Variants in NFASC observed in about 807,000 individuals in gnomAD.
NFASC encodes the protein neurofascin homolog.
NFASC carries 43 observed loss-of-function variants against 147.5 expected under a neutral mutation model. The observed-to-expected ratio is 0.29, with a 90% CI of 0.23 to 0.38. NFASC has a LOEUF of 0.38. Among genes scored for constraint, NFASC ranks in the 10% least tolerant of loss-of-function variants. The pLI, the probability that NFASC is intolerant of heterozygous loss-of-function variation, is 1.00. For synonymous variants in NFASC, 622 were observed against 665.5 expected, an observed-to-expected ratio of 0.93 and a Z score of 1.01; for missense variants, 1,320 against 1,689.0, an observed-to-expected ratio of 0.78 and a Z score of 3.83.
intron 22 of NFASC, 129 bp from the exon 23 acceptor site, chr1:204,988,504 T>G (rs1261489774): frequency 2.2e-5 from 18 of 803,092 alleles, no homozygotes; most frequent in Non-Finnish European, 2.9e-5. Context: ...GCCTTTAAGA[T>G]CACCAGGCAG....
In NFASC at chr1:204,957,800, AC is replaced by A; in HGVS notation, c.683del (p.Pro228LeufsTer104). 6.2e-7 allele frequency: 1 copy of A among 1,613,950 alleles called. No individual in the cohort carries two copies. Among genetic ancestry groups the A allele is most frequent in the Non-Finnish European group, 8.5e-7 (1 of 1,179,980 alleles). ...TTCACCCACACCATCCAGCAGAAGA[AC>A]CCTTTCACCCTCAAGGTCCTCACCA... ...FHFTHTIQQK[N>X]PFTLKVLTTR... On this transcript the variant is annotated frameshift_variant, in exon 8 of 30. Transcript: ENST00000339876. LOFTEE classifies it high-confidence loss of function.
At chr1:204,868,411 G>A (rs2077292526) in intron 1 of NFASC, among the ~76,000 whole-genome samples, 1 of 152,204 alleles carries the variant, frequency 6.6e-6, no homozygotes, top group African/African-American at 2.4e-5. Flanking sequence ...CCTAGGACAT[G>A]CTGGCGCTCT....
rs1471279903 is a variant in NFASC, at chr1:204,992,254, A to T, written c.2782+948A>T. Among the ~76,000 whole-genome samples the T allele has an allele frequency of 4.6e-5, 7 of 152,192 alleles. 1 individual carries two copies. The highest frequency in any genetic ancestry group is 3.3e-4 in the Admixed American group (5 of 15,282). On this transcript the variant is annotated intron_variant, in intron 24 of 29. Transcript: ENST00000339876. ...GAGCAAAGGCTACAAGCAAGTGCTC[A>T]GCAGAGCCTCCTTACATGCCAGGCA...
intron 1 of NFASC, among the ~76,000 whole-genome samples, chr1:204,839,505 G>T (rs1272202420): frequency 6.6e-6 from 1 of 152,168 alleles, no homozygotes; most frequent in East Asian, 1.9e-4. Context: ...GATTACATGC[G>T]TGTCCCTGTC....
At chr1:204,917,969 G>A (rs2089654304) in intron 1 of NFASC, among the ~76,000 whole-genome samples, 2 of 152,186 alleles carry the variant, frequency 1.3e-5, no homozygotes, top group African/African-American at 2.4e-5. Flanking sequence ...ATGCACAGGT[G>A]TGTGTGATTA....
At chr1:204,832,903 T>TG (rs1468094309) in intron 1 of NFASC, among the ~76,000 whole-genome samples, 12 of 152,244 alleles carry the variant, frequency 7.9e-5, no homozygotes, top group African/African-American at 1.2e-4. Context: ...AGCAAGTTGA[T>TG]GACAAACCTT....
chr1:204,944,455 A>ATGGGGG, intron 3 of NFASC, 49 bp downstream of exon 3: 1 of 385,426 alleles, frequency 2.6e-6, no homozygotes, highest in Non-Finnish European at 5.1e-6. Context: ...TTTTGGGCAG[A>ATGGGGG]GGGGTGGGAG....
At chr1:204,941,687 A>G (rs933699142) in intron 2 of NFASC, among the ~76,000 whole-genome samples, 1 of 152,232 alleles carries the variant, frequency 6.6e-6, no homozygotes, top group African/African-American at 2.4e-5. Flanking sequence ...TTTCTGCGAC[A>G]GTATAAGGAC....
chr1:204,876,344 C>T (rs1298455550), intron 1 of NFASC, among the ~76,000 whole-genome samples: 1 of 151,940 alleles, frequency 6.6e-6, no homozygotes, highest in African/African-American at 2.4e-5. Flanking sequence ...ATACTTTCAG[C>T]TCTAGGGAAA....
chr1:204,838,910 T>C (rs1174261193), intron 1 of NFASC, among the ~76,000 whole-genome samples: 1 of 152,230 alleles, frequency 6.6e-6, no homozygotes, highest in Non-Finnish European at 1.5e-5. Context: ...TGCTTACAAA[T>C]GCCAAGCAAG....
rs993326396 is a variant in NFASC at position 204,864,415 on chromosome 1, T to C, written c.-200+35633T>C. 3.3e-5 allele frequency among the ~76,000 whole-genome samples: 5 copies of C among 152,368 alleles called. No homozygotes were observed. In the East Asian group the frequency reaches 9.6e-4, roughly 29 times the overall value. ...TTGCAGGGTCGTATATTAACTCTTA[T>C]GTTTAACTTTTTGAGAAACTACCAG... On this transcript the variant is annotated intron_variant, in intron 1 of 29. Coordinates refer to ENST00000339876, the MANE Select transcript of NFASC (RefSeq NM_001005388.3).
chr1:204,924,479 C>T (rs1445645110), intron 2 of NFASC, among the ~76,000 whole-genome samples: 4 of 152,222 alleles, frequency 2.6e-5, no homozygotes, highest in African/African-American at 9.6e-5. Context: ...ACCCAGCTCC[C>T]TCTCTGGGGC....
chr1:204,845,059 G>C (rs1571962021), intron 1 of NFASC, among the ~76,000 whole-genome samples: 1 of 152,220 alleles, frequency 6.6e-6, no homozygotes, highest in East Asian at 1.9e-4. Flanking sequence ...GTTACCCAAG[G>C]GACTTTCCCC....
At chr1:204,893,453 G>A (rs1360723782) in intron 1 of NFASC, among the ~76,000 whole-genome samples, 1 of 152,172 alleles carries the variant, frequency 6.6e-6, no homozygotes, top group Non-Finnish European at 1.5e-5. Flanking sequence ...CTCTGAGAGT[G>A]GCACCTGGGA....
At chr1:204,944,577 C>T (rs1033028058) in intron 3 of NFASC, among the ~76,000 whole-genome samples, 171 bp downstream of exon 3, 1 of 152,154 alleles carries the variant, frequency 6.6e-6, no homozygotes, top group Non-Finnish European at 1.5e-5. Context: ...GACACAGGCT[C>T]ATGTTTGGAA....
At chr1:204,929,219 G>A (rs1201529371) in intron 2 of NFASC, among the ~76,000 whole-genome samples, 1 of 151,838 alleles carries the variant, frequency 6.6e-6, no homozygotes, top group African/African-American at 2.4e-5. Context: ...TAGGCCTGCT[G>A]AGTGCTATCA....
At chr1:204,923,703 C>A (rs2090971950) in intron 2 of NFASC, among the ~76,000 whole-genome samples, 1 of 152,164 alleles carries the variant, frequency 6.6e-6, no homozygotes, top group East Asian at 1.9e-4. Context: ...TGCCCCCAAA[C>A]CGATTTCAGG....
chr1:204,886,242 C>T (rs2081291771), intron 1 of NFASC, among the ~76,000 whole-genome samples: 1 of 152,204 alleles, frequency 6.6e-6, no homozygotes, highest in South Asian at 2.1e-4. Context: ...ATCATTAAAA[C>T]AGCAGGTGGT....
chr1:204,985,280 C>T (rs185593909), intron 21 of NFASC, among the ~76,000 whole-genome samples: 1 of 152,334 alleles, frequency 6.6e-6, no homozygotes, highest in Non-Finnish European at 1.5e-5. Context: ...ATAGCTGTCC[C>T]TTCCCATCCA....
Sources: gnomAD v4.1 joint callset for allele counts (sites outside exome capture counted in the v4.1 genomes callset) on GRCh38, gnomAD v4.1.1 for gene constraint, MANE v1.5 for transcripts, NCBI Gene and HGNC (gene_info 2026-07-23, HGNC 2026-07-21) for gene names.